DECR1: variants seen among roughly 807,000 people sequenced by gnomAD.
The protein encoded by DECR1 is 2,4-dienoyl-CoA reductase [(3E)-enoyl-CoA-producing], mitochondrial.
Under a neutral mutation model 38.8 loss-of-function variants are expected in DECR1, and 44 were observed. That is an observed-to-expected ratio of 1.13 (90% CI 0.89 to 1.46). DECR1 has a LOEUF of 1.46. Ranked by LOEUF, DECR1 falls within the 40% of genes most tolerant of loss-of-function variation. DECR1 has a pLI of 0.00. For synonymous variants in DECR1, 148 were observed against 135.2 expected (o/e 1.09, Z -0.66); for missense variants, 428 against 405.5 (o/e 1.06, Z -0.48).
intron 1 of DECR1, chr8:90,006,166 C>T (rs1812734622): frequency 1.4e-6 from 1 of 703,012 alleles, no homozygotes; most frequent in Admixed American, 2.0e-5. Flanking sequence ...TCCAAACATC[C>T]TTAGCAGGTT....
At chr8:90,026,844 CT>C (rs1813358809) in intron 5 of DECR1, among the ~76,000 whole-genome samples, 1 of 152,168 alleles carries the variant, frequency 6.6e-6, no homozygotes, top group African/African-American at 2.4e-5. Context: ...TCCCTGCTTT[CT>C]CTTGTGGGCA....
intron 6 of DECR1, among the ~76,000 whole-genome samples, chr8:90,039,931 A>ATAT (rs1813713060): frequency 6.6e-6 from 1 of 152,228 alleles, no homozygotes; most frequent in Non-Finnish European, 1.5e-5. Context: ...AATGGCTAAC[A>ATAT]TATTGCATAT....
intron 5 of DECR1, among the ~76,000 whole-genome samples, chr8:90,026,761 C>T (rs1295529740): frequency 6.6e-6 from 1 of 152,126 alleles, no homozygotes; most frequent in Admixed American, 6.5e-5. Context: ...TTGCCTTCTG[C>T]TAGCTTTTGA....
chr8:90,005,473 C>G (rs1812716049), intron 1 of DECR1: 1 of 455,804 alleles, frequency 2.2e-6, no homozygotes, highest in Admixed American at 2.4e-5. Context: ...AAGATGGAAG[C>G]CAAAGTATCA....
At chr8:90,030,667 T>C (rs1813473532) in intron 5 of DECR1, 1 of 152,220 alleles carries the variant, frequency 6.6e-6, no homozygotes, top group African/African-American at 2.4e-5. Flanking sequence ...GAGTAGAGCA[T>C]AGCAGAAGGC....
At chr8:90,041,465 C>T (rs1205252559) in intron 6 of DECR1, among the ~76,000 whole-genome samples, 1 of 152,172 alleles carries the variant, frequency 6.6e-6, no homozygotes, top group Non-Finnish European at 1.5e-5. Flanking sequence ...TTTTGCTGTG[C>T]ACAAGTTCTT....
chr8:90,006,118 G>T, intron 1 of DECR1: 1 of 677,420 alleles, frequency 1.5e-6, no homozygotes, highest in South Asian at 1.6e-5. Context: ...TCCAACATTG[G>T]GGATCACATT....
intron 5 of DECR1, among the ~76,000 whole-genome samples, chr8:90,027,854 G>A (rs145704898): frequency 6.6e-6 from 1 of 151,734 alleles, no homozygotes; most frequent in East Asian, 1.9e-4. Flanking sequence ...ATATTTTTAA[G>A]CCTGTTAATA....
intron 5 of DECR1, among the ~76,000 whole-genome samples, chr8:90,027,744 A>G (rs1248764733): frequency 6.6e-6 from 1 of 151,796 alleles, no homozygotes; most frequent in Non-Finnish European, 1.5e-5. Context: ...GTTATGTGTG[A>G]GTTTGATCCT....
intron 1 of DECR1, chr8:90,005,671 G>C (rs1177246040): frequency 2.8e-6 from 1 of 353,924 alleles, no homozygotes; most frequent in East Asian, 7.4e-5. Flanking sequence ...CATATCAACT[G>C]TCTCTGCACA....
At chr8:90,043,457 C>T (rs1813813845) in intron 7 of DECR1, among the ~76,000 whole-genome samples, 1 of 152,212 alleles carries the variant, frequency 6.6e-6, no homozygotes, top group South Asian at 2.1e-4. Context: ...TCTGCTCTCT[C>T]ATTATCCCAA....
intron 6 of DECR1, among the ~76,000 whole-genome samples, chr8:90,041,610 G>T (rs74827774): frequency 6.6e-6 from 1 of 152,042 alleles, no homozygotes; most frequent in African/African-American, 2.4e-5. Flanking sequence ...AGCATTTTTC[G>T]TATTAGAGAC....
intron 1 of DECR1, among the ~76,000 whole-genome samples, chr8:90,007,133 G>A (rs535729997): frequency 1.3e-4 from 20 of 152,292 alleles, no homozygotes; most frequent in East Asian, 3.9e-4. Flanking sequence ...ATGATAGGGA[G>A]CAATTTGTGT....
chr8:90,003,243 G>A (rs1179549704), intron 1 of DECR1: 5 of 152,154 alleles, frequency 3.3e-5, no homozygotes, highest in Non-Finnish European at 1.5e-5. Flanking sequence ...GCAAATACAA[G>A]TTGTTATAAT....
chr8:90,011,309 A>G (rs1003883260), intron 1 of DECR1, among the ~76,000 whole-genome samples: 2 of 152,148 alleles, frequency 1.3e-5, no homozygotes, highest in Non-Finnish European at 2.9e-5. Flanking sequence ...GATCCATATA[A>G]CTGTATTTTG....
chr8:90,035,796 G>T (rs1412730144), intron 5 of DECR1, among the ~76,000 whole-genome samples: 5 of 151,786 alleles, frequency 3.3e-5, no homozygotes, highest in South Asian at 4.2e-4. Context: ...GAGGTGTGTG[G>T]TTTTTTTTAT....
rs373841087 is a variant in DECR1, at chr8:90,001,609, G to A, written c.69+48G>A. The A allele has an allele frequency of 3.7e-5, 58 of 1,549,528 alleles. No individual in the cohort carries two copies. In the East Asian group the frequency reaches 1.0e-3, roughly 28 times the overall value. ...GAGCGAGGACAGGGCGTCTCGACGC[G>A]CAAAGAGAGAGGACAGGGCGTCACG... On this transcript the variant is annotated intron_variant, in intron 1 of 9. Transcript: ENST00000220764.
At chr8:90,025,513 GCTTT>G (rs1360731139) in intron 5 of DECR1, among the ~76,000 whole-genome samples, 3 of 152,188 alleles carry the variant, frequency 2.0e-5, no homozygotes, top group Admixed American at 6.5e-5. Flanking sequence ...TCATGATTTG[GCTTT>G]CTGTTTGTCT....
intron 1 of DECR1, among the ~76,000 whole-genome samples, chr8:90,004,990 A>G (rs1380009840): frequency 1.3e-5 from 2 of 152,230 alleles, no homozygotes; most frequent in East Asian, 1.9e-4. Context: ...CCCAAACTGT[A>G]CATACCTAGA....
Sources: allele counts gnomAD v4.1 joint callset (sites outside exome capture counted in the v4.1 genomes callset), GRCh38; gene constraint gnomAD v4.1.1; transcripts MANE v1.5; gene names NCBI Gene and HGNC (gene_info 2026-07-23, HGNC 2026-07-21).